The following EXT1 variants were observed in gnomAD, a reference collection of about 807,000 sequenced individuals.
EXT1 encodes exostosin-1.
A neutral mutation model predicts 82.5 loss-of-function variants in EXT1; 20 were observed. That is an observed-to-expected ratio of 0.24 (90% confidence interval 0.17 to 0.35). The LOEUF (loss-of-function observed/expected upper bound fraction) is 0.35, where lower values mean the gene tolerates loss of function less well. EXT1 is among the 10% of genes least tolerant of loss of function. The probability of loss-of-function intolerance (pLI) is 1.00; values close to 1 mark genes in which losing one functional copy is unlikely to be tolerated. For missense variants in EXT1, 757 were observed against 936.5 expected (o/e 0.81, Z 2.50); for synonymous variants, 348 against 350.8 (o/e 0.99, Z 0.09).
chr8:118,066,696 T>C (rs1169317949), intron 1 of EXT1, among the ~76,000 whole-genome samples: 3 of 152,060 alleles, frequency 2.0e-5, no homozygotes, highest in Admixed American at 1.3e-4. Context: ...GCATATAATA[T>C]ATAGAACAAA....
chr8:117,852,164 A>G (rs111757873), intron 1 of EXT1, among the ~76,000 whole-genome samples: 7 of 152,210 alleles, frequency 4.6e-5, no homozygotes, highest in South Asian at 2.1e-4. Flanking sequence ...GCAGGTGGGT[A>G]TAATTTGAAC....
At chr8:118,079,820 T>C (rs554730746) in intron 1 of EXT1, among the ~76,000 whole-genome samples, 2 of 152,240 alleles carry the variant, frequency 1.3e-5, no homozygotes, top group African/African-American at 4.8e-5. Flanking sequence ...CCACATTGGA[T>C]GTAGTCAGGA....
chr8:117,800,437 TGAA>T (rs1232492414), intron 10 of EXT1, among the ~76,000 whole-genome samples: 3 of 152,208 alleles, frequency 2.0e-5, no homozygotes, highest in East Asian at 3.8e-4. Context: ...CATATATAGT[TGAA>T]GAAGAACAAA....
chr8:117,993,281 T>C (rs1267381085), intron 1 of EXT1, among the ~76,000 whole-genome samples: 2 of 152,130 alleles, frequency 1.3e-5, no homozygotes, highest in Admixed American at 1.3e-4. Context: ...CACAGCTGCA[T>C]GGGGATCAAC....
chr8:118,019,255 G>GAAAGAAAA (rs1554594296), intron 1 of EXT1, among the ~76,000 whole-genome samples: 2 of 137,602 alleles, frequency 1.5e-5, no homozygotes, highest in African/African-American at 7.1e-5. Context: ...TTGAAAGAAA[G>GAAAGAAAA]AAAGAAAGAA....
At chr8:117,928,822 AG>A (rs1253758726) in intron 1 of EXT1, among the ~76,000 whole-genome samples, 7 of 152,166 alleles carry the variant, frequency 4.6e-5, no homozygotes, top group African/African-American at 1.7e-4. Flanking sequence ...TTACTTTTAG[AG>A]AAAAGTAAAA....
chr8:117,833,855 TG>T (rs1326483511), intron 3 of EXT1, among the ~76,000 whole-genome samples: 1 of 152,172 alleles, frequency 6.6e-6, no homozygotes, highest in Non-Finnish European at 1.5e-5. Flanking sequence ...AAGCACAACA[TG>T]CATCACTCTT....
At chr8:118,042,140 G>C (rs1278780311) in intron 1 of EXT1, among the ~76,000 whole-genome samples, 1 of 152,058 alleles carries the variant, frequency 6.6e-6, no homozygotes, top group East Asian at 1.9e-4. Flanking sequence ...TGGCTGGGGA[G>C]CCCCATAAGG....
At chr8:117,809,489 T>G (rs1006487801) in intron 8 of EXT1, among the ~76,000 whole-genome samples, 52 of 151,358 alleles carry the variant, frequency 3.4e-4, no homozygotes, top group African/African-American at 1.2e-3. Flanking sequence ...ATATAGAAAT[T>G]GGCTGGGCGT....
intron 1 of EXT1, among the ~76,000 whole-genome samples, chr8:117,915,295 G>A (rs1813726097): frequency 6.6e-6 from 1 of 152,008 alleles, no homozygotes; most frequent in Non-Finnish European, 1.5e-5. Flanking sequence ...TATTGTTTGA[G>A]TGGAATAATT....
chr8:117,866,488 A>C (rs570306038), intron 1 of EXT1, among the ~76,000 whole-genome samples: 3 of 152,268 alleles, frequency 2.0e-5, no homozygotes, highest in African/African-American at 7.2e-5. Flanking sequence ...AATGGAGCAA[A>C]TACTATCAAT....
chr8:117,929,839 G>A (rs1415858140), intron 1 of EXT1, among the ~76,000 whole-genome samples: 1 of 152,236 alleles, frequency 6.6e-6, no homozygotes, highest in Non-Finnish European at 1.5e-5. Context: ...CAGGCGTGGT[G>A]CCTCACACCT....
intron 1 of EXT1, among the ~76,000 whole-genome samples, chr8:118,017,765 T>C (rs1438340183): frequency 6.6e-6 from 1 of 152,190 alleles, no homozygotes; most frequent in Non-Finnish European, 1.5e-5. Context: ...AATTGCCAGC[T>C]AAACAACTGT....
At chr8:118,066,680 A>C (rs1219329915) in intron 1 of EXT1, among the ~76,000 whole-genome samples, 1 of 152,172 alleles carries the variant, frequency 6.6e-6, no homozygotes, top group Non-Finnish European at 1.5e-5. Context: ...TTATTGTAAG[A>C]ATACAGCATA....
chr8:118,103,712 A>G (rs1817762115), intron 1 of EXT1, among the ~76,000 whole-genome samples: 1 of 152,192 alleles, frequency 6.6e-6, no homozygotes. Context: ...AAGGTCACAC[A>G]GACAGAATGC....
intron 1 of EXT1, among the ~76,000 whole-genome samples, chr8:117,878,501 C>T (rs572073714): frequency 1.3e-5 from 2 of 152,296 alleles, no homozygotes; most frequent in African/African-American, 4.8e-5. Context: ...AAACCTCTGC[C>T]TTCATGGAGC....
At chr8:117,887,544 G>A (rs1054204256) in intron 1 of EXT1, among the ~76,000 whole-genome samples, 6 of 152,010 alleles carry the variant, frequency 3.9e-5, no homozygotes, top group Admixed American at 6.5e-5. Flanking sequence ...TAGAGACAGG[G>A]TTTCACCATG....
At position 117,841,399 on chromosome 8, in the gene EXT1, G is replaced by C. The variant is rs377434605; in HGVS notation, c.963-4198C>G. Among the ~76,000 whole-genome samples the C allele has an allele frequency of 1.7e-3, 252 of 152,230 alleles. 4 individuals are homozygous for C. The highest frequency in any genetic ancestry group is 2.3e-3 in the East Asian group (12 of 5,182). On this transcript the variant is annotated intron_variant, in intron 1 of 10. Transcript: ENST00000378204. ...AACACTTAGAGGTTGCCATTGGTTG[G>C]GGGGAGGAGGAAAGACAGGGAGACT...
At chr8:118,032,070 A>C (rs1372833720) in intron 1 of EXT1, among the ~76,000 whole-genome samples, 1 of 149,838 alleles carries the variant, frequency 6.7e-6, no homozygotes, top group Non-Finnish European at 1.5e-5. Flanking sequence ...GAATAAAATA[A>C]AAATGCCAAG....
Sources: allele counts gnomAD v4.1 joint callset (sites outside exome capture counted in the v4.1 genomes callset), GRCh38; gene constraint gnomAD v4.1.1; transcripts MANE v1.5; gene names NCBI Gene and HGNC (gene_info 2026-07-23, HGNC 2026-07-21).